ARID1B: variants seen among roughly 807,000 people sequenced by gnomAD.
The protein encoded by ARID1B is AT-rich interactive domain-containing protein 1B.
ARID1B carries 30 observed loss-of-function variants against 212.3 expected under a neutral mutation model. That is an observed-to-expected ratio of 0.14 (90% CI 0.11 to 0.19). ARID1B has a LOEUF of 0.19. Among genes scored for constraint, ARID1B ranks in the 10% least tolerant of loss-of-function variants. The probability of loss-of-function intolerance (pLI) is 1.00; values close to 1 mark genes in which losing one functional copy is unlikely to be tolerated. For missense variants in ARID1B, 2,891 were observed against 3,204.0 expected (o/e 0.90, Z 2.36); for synonymous variants, 1,402 against 1,301.7 (o/e 1.08, Z -1.66).
At chr6:157,069,168 G>C (rs973949723) in intron 4 of ARID1B, among the ~76,000 whole-genome samples, 4 of 151,748 alleles carry the variant, frequency 2.6e-5, no homozygotes, top group African/African-American at 9.7e-5. Context: ...CTGCTAAACT[G>C]CTCTAAGAAT....
chr6:157,028,388 TG>T (rs995001984), intron 4 of ARID1B, among the ~76,000 whole-genome samples: 1 of 152,184 alleles, frequency 6.6e-6, no homozygotes, highest in Non-Finnish European at 1.5e-5. Context: ...GAAATAATAA[TG>T]TAATGAATAA....
chr6:156,828,637 G>A (rs1018428541), intron 1 of ARID1B, among the ~76,000 whole-genome samples: 2 of 152,180 alleles, frequency 1.3e-5, no homozygotes, highest in Non-Finnish European at 2.9e-5. Context: ...CATGGGGAGA[G>A]GTGCTGTGAC....
At chr6:157,043,283 G>T (rs769062401) in intron 4 of ARID1B, among the ~76,000 whole-genome samples, 10 of 151,598 alleles carry the variant, frequency 6.6e-5, no homozygotes, top group Non-Finnish European at 1.5e-4. Context: ...TCCTCTTGCT[G>T]CATTTCAAAA....
chr6:156,940,950 T>C (rs1262885127), intron 4 of ARID1B: 2 of 152,208 alleles, frequency 1.3e-5, no homozygotes, highest in Non-Finnish European at 2.9e-5. Flanking sequence ...TGTATGGCTA[T>C]TGAATGAAGT....
intron 7 of ARID1B, among the ~76,000 whole-genome samples, chr6:157,138,657 T>C (rs1789115487): frequency 6.6e-6 from 1 of 152,210 alleles, no homozygotes; most frequent in South Asian, 2.1e-4. Flanking sequence ...GACAAGATCC[T>C]CTTCTCTGAC....
chr6:157,114,806 G>C (rs1787214788), intron 6 of ARID1B, among the ~76,000 whole-genome samples: 1 of 152,168 alleles, frequency 6.6e-6, no homozygotes, highest in African/African-American at 2.4e-5. Context: ...GAGAGTGAGA[G>C]ATGATGCAAC....
chr6:157,147,969 G>A (rs1313956916), intron 7 of ARID1B, among the ~76,000 whole-genome samples: 3 of 137,594 alleles, frequency 2.2e-5, no homozygotes, highest in African/African-American at 8.5e-5. Context: ...GCTGCCGTGT[G>A]CCGTGCTTGT....
intron 13 of ARID1B, chr6:157,186,477 A>C: frequency 2.1e-6 from 1 of 471,144 alleles, no homozygotes; most frequent in Non-Finnish European, 4.4e-6. Context: ...TGGGGGTCGC[A>C]GGCAGAGGCA....
intron 4 of ARID1B, among the ~76,000 whole-genome samples, chr6:156,997,108 G>T (rs1019564422): frequency 6.6e-6 from 1 of 152,138 alleles, no homozygotes; most frequent in Non-Finnish European, 1.5e-5. Context: ...ACAAGTACCC[G>T]TGAATGGATG....
chr6:157,118,576 A>G (rs181914890), intron 6 of ARID1B, among the ~76,000 whole-genome samples: 78 of 152,318 alleles, frequency 5.1e-4, no homozygotes, highest in African/African-American at 1.7e-3. Flanking sequence ...GCTTTATACA[A>G]AAGAGAATAT....
intron 19 of ARID1B, chr6:157,205,066 T>C (rs973819842): frequency 6.6e-6 from 1 of 152,244 alleles, no homozygotes; most frequent in East Asian, 1.9e-4. Flanking sequence ...CTTTCATCCT[T>C]ATGTTAGGTG....
At chr6:157,097,336 A>G (rs945546087) in intron 5 of ARID1B, among the ~76,000 whole-genome samples, 1 of 152,046 alleles carries the variant, frequency 6.6e-6, no homozygotes, top group African/African-American at 2.4e-5. Flanking sequence ...ATTTCCCTCA[A>G]ATTCCAATAT....
chr6:157,157,304 A>G (rs1052421436), intron 8 of ARID1B, among the ~76,000 whole-genome samples: 2 of 152,202 alleles, frequency 1.3e-5, no homozygotes, highest in African/African-American at 2.4e-5. Context: ...AGCGAGAACC[A>G]GCATTAAAGC....
intron 4 of ARID1B, among the ~76,000 whole-genome samples, chr6:157,054,098 C>T (rs1440874023): frequency 6.6e-6 from 1 of 152,066 alleles, no homozygotes; most frequent in African/African-American, 2.4e-5. Context: ...GTGGTGCGTG[C>T]CTGTAATCCC....
intron 4 of ARID1B, among the ~76,000 whole-genome samples, chr6:157,039,094 C>G (rs1279919817): frequency 6.6e-6 from 1 of 152,022 alleles, no homozygotes; most frequent in Non-Finnish European, 1.5e-5. Context: ...TGGTCTTGAA[C>G]TCCTCGCCTC....
At chr6:156,870,457 A>G (rs1786037258) in intron 2 of ARID1B, 1 of 152,196 alleles carries the variant, frequency 6.6e-6, no homozygotes. Flanking sequence ...AGACCTGAAA[A>G]TGTCTCACTT....
chr6:156,826,064 G>A (rs373779934), intron 1 of ARID1B, among the ~76,000 whole-genome samples: 3 of 152,306 alleles, frequency 2.0e-5, no homozygotes, highest in South Asian at 4.1e-4. Flanking sequence ...ATGTACTGTC[G>A]TTTAATTTCT....
intron 1 of ARID1B, among the ~76,000 whole-genome samples, chr6:156,794,191 T>A (rs1780195635): frequency 6.6e-6 from 1 of 152,034 alleles, no homozygotes; most frequent in South Asian, 2.1e-4. Flanking sequence ...GTGGTAACAT[T>A]TAAAAAAAAA....
chr6:156,777,778 C>T lies in ARID1B; in HGVS notation c.98C>T (p.Pro33Leu), dbSNP rs908016454. The change falls in exon 1 of 20, where the codon CCG becomes CTG. Residue 33 changes from proline (P) to leucine (L), a missense_variant. By Grantham distance (98) the Pro-to-Leu change is moderately conservative (BLOSUM62 -3). Around this residue, in one of 7 missense-constraint regions of ARID1B, gnomAD observed 1,643 missense variants for 1,544.0 expected, o/e 1.06. Transcript: ENST00000636930. Reference sequence around the variant, plus strand: ...CGGCGGGCGCCCCCCGGGCCGCGGCCGGCGCCCGGAGCCCGGGACCTGGAG... The same window carrying T: ...CGGCGGGCGCCCCCCGGGCCGCGGCTGGCGCCCGGAGCCCGGGACCTGGAG... ...GERRAPPGPR[P>L]APGARDLEAG... is the part of the protein sequence containing the mutation. The T allele has an allele frequency of 6.9e-6, 6 of 873,416 alleles. No individual in the cohort carries two copies. The highest frequency in any genetic ancestry group is 8.2e-6 in the Non-Finnish European group (6 of 732,034). The allele number at this position is 873,416 out of a possible 1,614,324, so 54.1% of individuals were successfully genotyped here.
Sources: allele counts gnomAD v4.1 joint callset (sites outside exome capture counted in the v4.1 genomes callset), GRCh38; gene constraint gnomAD v4.1.1; regional missense constraint gnomAD v4.1.1; transcripts MANE v1.5; gene names NCBI Gene and HGNC (gene_info 2026-07-23, HGNC 2026-07-21).